AACS: variants seen among roughly 807,000 people sequenced by gnomAD.
AACS encodes acetoacetyl-CoA synthetase.
AACS carries 69 observed loss-of-function variants against 83.1 expected under a neutral mutation model. The observed-to-expected ratio is 0.83, with a 90% CI of 0.68 to 1.01. The LOEUF is 1.01. Ranked by LOEUF, AACS falls within the 50% of genes least tolerant of loss-of-function variation. The pLI, the probability that AACS is intolerant of heterozygous loss-of-function variation, is 0.00. For missense variants in AACS, 866 were observed against 882.2 expected (o/e 0.98, Z 0.23); for synonymous variants, 333 against 343.4 (o/e 0.97, Z 0.33).
intron 5 of AACS, among the ~76,000 whole-genome samples, chr12:125,100,605 A>C (rs1434630436): frequency 1.3e-5 from 2 of 152,216 alleles, no homozygotes; most frequent in African/African-American, 4.8e-5. Context: ...TGTTGAGTAA[A>C]CTCTGAATCC....
In AACS at chr12:125,134,082, G is replaced by A. The variant is rs1442976620; in HGVS notation, c.1619+10G>A. On this transcript the variant is annotated intron_variant, in intron 15 of 17. Transcript: ENST00000316519. ...TCATGCTTGGCCGGAGGTAAGGGCT[G>A]CAGAGTCGGCTTCTCTTTCCTGGAG... 1.2e-6 allele frequency: 2 copies of A among 1,613,060 alleles called. No individual in the cohort carries two copies. Among genetic ancestry groups the A allele is most frequent in the Non-Finnish European group, 8.5e-7 (1 of 1,179,650 alleles).
rs1286172048 is a variant in AACS, at chr12:125,065,627, T to G, written c.43T>G (p.Cys15Gly). Reference sequence around the variant, plus strand: ...CCCCGGTCGGGAGGAGATCCTGGAGTGCCAGGTGATGTGGGAGCCTGACAG... The same window carrying G: ...CCCCGGTCGGGAGGAGATCCTGGAGGGCCAGGTGATGTGGGAGCCTGACAG... ...ERPGREEILE[C>G]QVMWEPDSKK... is the part of the protein sequence containing the mutation. Residue 15 changes from cysteine (C) to glycine (G), a missense_variant, in exon 1 of 18, where the codon TGC becomes GGC. Transcript: ENST00000316519. The G allele has an allele frequency of 1.3e-6, 2 of 1,541,974 alleles. No individual in the cohort carries two copies. Among genetic ancestry groups the G allele is most frequent in the South Asian group, 1.2e-5 (1 of 83,096 alleles).
chr12:125,140,089 C>T lies in AACS; in HGVS notation c.1882-2003C>T, dbSNP rs1413301896. ...CTGGGGACCCCGCGAGGGTCATGGC[C>T]AAGTGGAATGGACTCCTGGCATTTG... On this transcript the variant is annotated intron_variant, in intron 17 of 17. Coordinates refer to ENST00000316519, the MANE Select transcript of AACS (RefSeq NM_023928.5). The surrounding 1 kb of genome is among the most constrained non-coding windows in gnomAD (Gnocchi z 5.1). 1 of 152,164 alleles carries T rather than the reference C, an allele frequency of 6.6e-6. No homozygotes were observed. The highest frequency in any genetic ancestry group is 1.5e-5 in the Non-Finnish European group (1 of 68,062). The allele number at this position is 152,164 out of a possible 1,614,324, so 9.4% of individuals were successfully genotyped here.
intron 12 of AACS, among the ~76,000 whole-genome samples, 186 bp downstream of exon 12, chr12:125,125,210 G>A (rs1957228824): frequency 1.3e-5 from 2 of 152,186 alleles, no homozygotes; most frequent in African/African-American, 2.4e-5. Flanking sequence ...AACCCATACG[G>A]AACCCTTGCT....
Position 125,128,179 on chromosome 12 carries a change from C to G in AACS, c.1328C>G (p.Ser443Cys). Residue 443 changes from serine to cysteine, a missense_variant, in exon 13 of 18, where the codon TCC becomes TGC. Ser to Cys is a moderately radical substitution (Grantham distance 112, BLOSUM62 -1). Transcript: ENST00000316519. ...GSISGGTDII[S>C]CFMGHNFSLP... ...CTTGCAGGAGGCACCGACATCATCTCCTGCTTCATGGGCCACAATTTTTCT... is the reference window on the plus strand; with the variant it reads ...CTTGCAGGAGGCACCGACATCATCTGCTGCTTCATGGGCCACAATTTTTCT... 6.2e-7 allele frequency: 1 copy of G among 1,611,692 alleles called. No individual in the cohort carries two copies. The highest frequency in any genetic ancestry group is 8.5e-7 in the Non-Finnish European group (1 of 1,178,236).
intron 3 of AACS, among the ~76,000 whole-genome samples, chr12:125,078,619 G>A (rs1462400015): frequency 1.3e-5 from 2 of 152,090 alleles, no homozygotes; most frequent in African/African-American, 2.4e-5. Flanking sequence ...TCAGGAGTTC[G>A]AGACCAGCCT....
At chr12:125,065,990 G>A (rs1391058225) in intron 1 of AACS, among the ~76,000 whole-genome samples, 3 of 152,238 alleles carry the variant, frequency 2.0e-5, no homozygotes, top group Non-Finnish European at 2.9e-5. Context: ...CCAGCTGCCT[G>A]TTGACCGTGT....
chr12:125,098,440 T>C (rs1254024916), intron 5 of AACS, among the ~76,000 whole-genome samples: 1 of 151,622 alleles, frequency 6.6e-6, no homozygotes, highest in African/African-American at 2.4e-5. Flanking sequence ...TTTTGTTCTG[T>C]TTTTCTCATT....
intron 1 of AACS, among the ~76,000 whole-genome samples, chr12:125,067,757 C>T (rs1381255348): frequency 6.6e-6 from 1 of 152,134 alleles, no homozygotes; most frequent in Non-Finnish European, 1.5e-5. Context: ...TGGTCTAGAA[C>T]TCCTGACCTC....
At chr12:125,109,518 A>T (rs1029744829) in intron 8 of AACS, among the ~76,000 whole-genome samples, 7 of 152,192 alleles carry the variant, frequency 4.6e-5, no homozygotes, top group Non-Finnish European at 8.8e-5. Context: ...ACCAGTTGAG[A>T]GTACGTTGGA....
At chr12:125,118,560 A>G in intron 9 of AACS, 81 bp from the exon 10 acceptor site, 3 of 1,568,822 alleles carry the variant, frequency 1.9e-6, no homozygotes, top group Non-Finnish European at 2.6e-6. Context: ...GTGGTTTCCC[A>G]GGGACACAGG....
At chr12:125,128,953 C>G (rs60111275) in intron 13 of AACS, 1,919 of 160,016 alleles carry the variant, frequency 0.012, 38 homozygotes, top group East Asian at 0.097. Flanking sequence ...GTAGCCCGAA[C>G]GAGCCCAGAT....
chr12:125,098,266 C>A (rs1038597103), intron 5 of AACS, among the ~76,000 whole-genome samples: 2 of 151,770 alleles, frequency 1.3e-5, no homozygotes, highest in African/African-American at 4.8e-5. Context: ...TCCATCTCTA[C>A]AAAAAAGAAA....
chr12:125,116,863 T>G (rs1592991304), intron 9 of AACS, among the ~76,000 whole-genome samples: 1 of 127,722 alleles, frequency 7.8e-6, no homozygotes, highest in African/African-American at 2.9e-5. Flanking sequence ...CTCCCTTCCT[T>G]CCCCTTCCTT....
At chr12:125,091,562 C>T in intron 5 of AACS, 39 bp downstream of exon 5, 2 of 1,601,248 alleles carry the variant, frequency 1.2e-6, no homozygotes, top group Non-Finnish European at 1.7e-6. Context: ...ACCCCTTGCC[C>T]TGTGAGCATC....
Position 125,131,695 on chromosome 12 carries a change from G to A in AACS, c.1549+2235G>A, listed in dbSNP as rs569893923. On this transcript the variant is annotated intron_variant, in intron 14 of 17. Transcript: ENST00000316519. ...TGCCCAGGCTGGGGTGCAGTGGCAC[G>A]ATCTCAGCTTCTCCTGCCTCAGCCT... Among the ~76,000 whole-genome samples, 10 of 152,008 alleles carry A rather than the reference G, an allele frequency of 6.6e-5. No individual in the cohort carries two copies. In the East Asian group the frequency reaches 1.7e-3, roughly 27 times the overall value.
intron 1 of AACS, among the ~76,000 whole-genome samples, chr12:125,071,822 A>G (rs1955871882): frequency 6.6e-6 from 1 of 152,044 alleles, no homozygotes; most frequent in African/African-American, 2.4e-5. Context: ...TGCCTTCCTT[A>G]GTGATGCTGT....
intron 3 of AACS, among the ~76,000 whole-genome samples, chr12:125,077,517 A>G (rs1258399187): frequency 6.6e-6 from 1 of 151,994 alleles, no homozygotes; most frequent in Non-Finnish European, 1.5e-5. Context: ...CTCAAAAAAA[A>G]AAAAAAAAAA....
At chr12:125,087,942 C>T (rs1956376339) in intron 4 of AACS, among the ~76,000 whole-genome samples, 1 of 152,220 alleles carries the variant, frequency 6.6e-6, no homozygotes, top group Non-Finnish European at 1.5e-5. Context: ...TCAGGGTTCA[C>T]CCTGGCTTGT....
Sources: gnomAD v4.1 joint callset for allele counts (sites outside exome capture counted in the v4.1 genomes callset) on GRCh38, gnomAD v4.1.1 for gene constraint, Gnocchi (gnomAD v3.1) non-coding constraint, MANE v1.5 for transcripts, NCBI Gene and HGNC (gene_info 2026-07-23, HGNC 2026-07-21) for gene names.